The following PZP variants were observed in gnomAD, a reference collection of about 807,000 sequenced individuals.
PZP encodes the protein pregnancy zone protein.
A neutral mutation model predicts 179.8 loss-of-function variants in PZP; 150 were observed. The observed-to-expected ratio is 0.83, with a 90% CI of 0.73 to 0.96. The LOEUF (loss-of-function observed/expected upper bound fraction) is 0.96, where lower values mean the gene tolerates loss of function less well. PZP is among the 40% of genes least tolerant of loss of function. PZP has a pLI of 0.00. For missense variants in PZP, 1,689 were observed against 1,764.0 expected (o/e 0.96, Z 0.76); for synonymous variants, 624 against 652.3 (o/e 0.96, Z 0.66).
In PZP at chr12:9,191,128, T is replaced by C. The variant is rs185197699; in HGVS notation, c.1546+1065A>G. On this transcript the variant is annotated intron_variant, in intron 13 of 35. Coordinates refer to ENST00000261336, the MANE Select transcript of PZP (RefSeq NM_002864.3). ...AAGTAAATGATTAAATAACTAGTCC[T>C]CATTTTACTATATAGAGATTTTCAT... Among the ~76,000 whole-genome samples the C allele has an allele frequency of 4.7e-3, 715 of 152,272 alleles. 1 individual carries two copies. The highest frequency in any genetic ancestry group is 8.0e-3 in the Non-Finnish European group (543 of 67,978).
At position 9,192,378 on chromosome 12, in the gene PZP, C is replaced by T; in HGVS notation, c.1483-122G>A. On this transcript the variant is annotated intron_variant, in intron 12 of 35. Coordinates refer to ENST00000261336, the MANE Select transcript of PZP (RefSeq NM_002864.3). ...CTGGAGAGAATCAACCTCAAGAAAA[C>T]TCATGGAATGAAGGACGCACAACAA... The T allele has an allele frequency of 2.3e-6, 3 of 1,285,034 alleles. No individual in the cohort carries two copies. The South Asian group carries it at 3.8e-5, about 16-fold the overall frequency. 79.6% of individuals were successfully genotyped at this position (1,285,034 alleles called of 1,614,324 possible). A position where few individuals can be genotyped will look rare whatever the true frequency, so the allele number is the denominator to read the frequency against.
chr12:9,169,469 G>A lies in PZP; in HGVS notation c.1962C>T (p.Pro654=), dbSNP rs1248178839. 6.2e-7 allele frequency: 1 copy of A among 1,611,148 alleles called. No homozygotes were observed. Residue 654 remains proline (P), a synonymous_variant, in exon 16 of 36, where the codon CCC becomes CCT. Coordinates refer to ENST00000261336, the MANE Select transcript of PZP (RefSeq NM_002864.3). ...AAATATCTGCTTCATTACTTGATAA[G>A]GGAACATAGATGGCTCCATTATGAA... ...FFIHNGAIYV[P]LSSNEADIYS... is the part of the protein sequence containing the mutation.
intron 35 of PZP, 142 bp from the exon 36 acceptor site, chr12:9,149,136 T>C (rs1335309861): frequency 4.1e-6 from 3 of 733,598 alleles, no homozygotes; most frequent in African/African-American, 1.7e-5. Context: ...TTATATGCCA[T>C]GTGGTCTGTC....
At chr12:9,165,074 T>C in intron 19 of PZP, 65 bp downstream of exon 19, 2 of 1,537,710 alleles carry the variant, frequency 1.3e-6, no homozygotes, top group South Asian at 2.3e-5. Flanking sequence ...ACAGAATCAG[T>C]AGCTGACTGA....
chr12:9,169,763 A>G lies in PZP; in HGVS notation c.1840-172T>C, dbSNP rs936898408. On this transcript the variant is annotated intron_variant, in intron 15 of 35. Coordinates refer to ENST00000261336, the MANE Select transcript of PZP (RefSeq NM_002864.3). ...TTATATTTAACAGTGTTGTTTTGTT[A>G]TAAAGAAATGAAACCTACTTGGGAA... is the stretch of plus-strand genomic sequence containing the variant. The G allele has an allele frequency of 7.4e-6, 4 of 541,344 alleles. No individual in the cohort carries two copies. In the African/African-American group the frequency reaches 7.9e-5, roughly 11 times the overall value. The allele number at this position is 541,344 out of a possible 1,614,324, so 33.5% of individuals were successfully genotyped here.
At chr12:9,185,777 G>A (rs1266300095) in intron 13 of PZP, among the ~76,000 whole-genome samples, 1 of 71,632 alleles carries the variant, frequency 1.4e-5, no homozygotes, top group Non-Finnish European at 3.0e-5. Context: ...GAGATTTGGG[G>A]CCTATGTTCA....
At position 9,200,306 on chromosome 12, in the gene PZP, A is replaced by G. The variant is rs1944080182; in HGVS notation, c.755+58T>C. 3 of 1,225,164 alleles carry G rather than the reference A, an allele frequency of 2.4e-6. No homozygotes were observed. In the South Asian group the frequency reaches 4.1e-5, roughly 17 times the overall value. 75.9% of individuals were successfully genotyped at this position (1,225,164 alleles called of 1,614,324 possible). A position where few individuals can be genotyped will look rare whatever the true frequency, so the allele number is the denominator to read the frequency against. On this transcript the variant is annotated intron_variant, in intron 7 of 35. Coordinates refer to ENST00000261336, the MANE Select transcript of PZP (RefSeq NM_002864.3). ...AGTAAATTTATAATTTTGTACCTAC[A>G]TAATCCCTCAAAATTGAGGCAAAAT...
intron 10 of PZP, 109 bp from the exon 11 acceptor site, chr12:9,194,347 A>C: frequency 1.0e-6 from 1 of 972,082 alleles, no homozygotes; most frequent in Non-Finnish European, 1.5e-6. Flanking sequence ...CCTCCCCCTC[A>C]AAAAAACCCC....
At chr12:9,206,680 G>A (rs1323966261) in intron 1 of PZP, among the ~76,000 whole-genome samples, 1 of 152,100 alleles carries the variant, frequency 6.6e-6, no homozygotes, top group African/African-American at 2.4e-5. Flanking sequence ...CACATCAAGG[G>A]TTAATTCTGG....
intron 34 of PZP, among the ~76,000 whole-genome samples, chr12:9,149,977 A>T (rs1940224419): frequency 6.6e-6 from 1 of 152,092 alleles, no homozygotes; most frequent in African/African-American, 2.4e-5. Flanking sequence ...TCCTACTTCT[A>T]TAGACCCCCA....
chr12:9,168,741 A>T, intron 17 of PZP, 128 bp downstream of exon 17: 1 of 728,456 alleles, frequency 1.4e-6, no homozygotes, highest in East Asian at 2.7e-5. Flanking sequence ...GCAAGAAACA[A>T]TTAATTTGAA....
intron 15 of PZP, 78 bp from the exon 16 acceptor site, chr12:9,169,669 TA>T: frequency 7.6e-7 from 1 of 1,318,854 alleles, no homozygotes; most frequent in Non-Finnish European, 1.0e-6. Context: ...AGAAATAAAA[TA>T]ATTATCACCA....
At chr12:9,172,981 T>C (rs1025379076) in intron 15 of PZP, among the ~76,000 whole-genome samples, 6 of 152,266 alleles carry the variant, frequency 3.9e-5, no homozygotes, top group African/African-American at 7.2e-5. Flanking sequence ...GTGGACCTGA[T>C]TGATATCTAC....
rs368011806 is a variant in PZP at position 9,192,570 on chromosome 12, T to A, written c.1424A>T (p.His475Leu). ...CATGGCCTGTCTATTCAGTGTATAG[T>A]GTGCCGTGATAGTCTCCGTGTGGCC... ...PCGHTETITA[H>L]YTLNRQAMGE... The change falls in exon 12 of 36, where the codon CAC becomes CTC. Residue 475 changes from histidine to leucine, a missense_variant. His to Leu is a moderately conservative substitution (Grantham distance 99, BLOSUM62 -3). Transcript: ENST00000261336. 39 of 1,614,086 alleles carry A rather than the reference T, an allele frequency of 2.4e-5. No individual in the cohort carries two copies. Among genetic ancestry groups the A allele is most frequent in the Middle Eastern group, 1.6e-4 (1 of 6,084 alleles).
intron 13 of PZP, 62 bp from the exon 14 acceptor site, chr12:9,182,179 G>A: frequency 4.9e-6 from 1 of 203,838 alleles, no homozygotes; most frequent in Non-Finnish European, 7.9e-6. Context: ...CATAAAAATA[G>A]TGTCATAAGG....
chr12:9,161,475 G>C lies in PZP; in HGVS notation c.2789-359C>G, dbSNP rs546459376. ...AGTCTAATTGCTTTTGGCACTGTGT[G>C]ACTTCCAGAGTCCTTCCTCTTCTCA... On this transcript the variant is annotated intron_variant, in intron 22 of 35. Transcript: ENST00000261336. Among the ~76,000 whole-genome samples, 13 of 152,276 alleles carry C rather than the reference G, an allele frequency of 8.5e-5. No homozygotes were observed. The South Asian group carries it at 2.7e-3, about 32-fold the overall frequency.
chr12:9,200,740 C>G, intron 6 of PZP, 152 bp downstream of exon 6: 1 of 841,190 alleles, frequency 1.2e-6, no homozygotes, highest in Non-Finnish European at 1.8e-6. Flanking sequence ...CTCTTATGAG[C>G]TTCTGTGTTC....
Position 9,148,904 on chromosome 12 carries a change from T to C in PZP, c.*68A>G, listed in dbSNP as rs1592431585. 1 of 1,375,088 alleles carries C rather than the reference T, an allele frequency of 7.3e-7. No homozygotes were observed. The highest frequency in any genetic ancestry group is 2.3e-5 in the East Asian group (1 of 43,630). 85.2% of individuals were successfully genotyped at this position (1,375,088 alleles called of 1,614,324 possible). On this transcript the variant is annotated 3_prime_UTR_variant, in exon 36 of 36. Coordinates refer to ENST00000261336, the MANE Select transcript of PZP (RefSeq NM_002864.3). ...TTAGTGTCTATTTTATAGAGACAAA[T>C]AACTCCATTCCTTCTAAGTAAATGT...
intron 15 of PZP, 94 bp from the exon 16 acceptor site, chr12:9,169,685 T>C: frequency 1.6e-6 from 2 of 1,214,848 alleles, no homozygotes; most frequent in Non-Finnish European, 2.2e-6. Context: ...TCACCAATCT[T>C]TTCTTGAGTA....
Sources: gnomAD v4.1 joint callset for allele counts (sites outside exome capture counted in the v4.1 genomes callset) on GRCh38, gnomAD v4.1.1 for gene constraint, MANE v1.5 for transcripts, NCBI Gene and HGNC (gene_info 2026-07-23, HGNC 2026-07-21) for gene names.